DPP10: variants seen among roughly 807,000 people sequenced by gnomAD.
DPP10 encodes the protein dipeptidyl peptidase like 10, also known as inactive dipeptidyl peptidase 10.
DPP10 carries 33 observed loss-of-function variants against 120.9 expected under a neutral mutation model. The ratio of observed to expected loss-of-function variants is 0.27; its 90% CI spans 0.21 to 0.37. The LOEUF (loss-of-function observed/expected upper bound fraction) is 0.37. DPP10 is among the 10% of genes least tolerant of loss of function. The pLI, the probability that DPP10 is intolerant of heterozygous loss-of-function variation, is 1.00. For missense variants in DPP10, 816 were observed against 942.8 expected, an observed-to-expected ratio of 0.87 and a Z score of 1.76; for synonymous variants, 337 against 326.1, an observed-to-expected ratio of 1.03 and a Z score of -0.36.
chr2:114,996,723 C>G (rs1290145702), intron 1 of DPP10, among the ~76,000 whole-genome samples: 2 of 151,966 alleles, frequency 1.3e-5, no homozygotes, highest in Non-Finnish European at 2.9e-5. Context: ...GTGGCTCACG[C>G]CTGTAATCCC....
At chr2:115,672,774 T>A (rs551528376) in intron 5 of DPP10, among the ~76,000 whole-genome samples, 9 of 151,386 alleles carry the variant, frequency 5.9e-5, no homozygotes, top group Admixed American at 5.3e-4. Flanking sequence ...TGAGACAAAG[T>A]CTCACTTTGT....
intron 1 of DPP10, among the ~76,000 whole-genome samples, chr2:115,080,811 T>C (rs1708212196): frequency 6.6e-6 from 1 of 152,216 alleles, no homozygotes; most frequent in East Asian, 1.9e-4. Flanking sequence ...AGAATGACTT[T>C]AGTGAAAGTT....
chr2:115,273,410 C>T (rs2059781345), intron 1 of DPP10, among the ~76,000 whole-genome samples: 1 of 152,100 alleles, frequency 6.6e-6, no homozygotes, highest in Non-Finnish European at 1.5e-5. Flanking sequence ...GATCTTGGCT[C>T]ACTGCAAACT....
At chr2:114,614,648 T>G (rs566683414) in intron 1 of DPP10, among the ~76,000 whole-genome samples, 6 of 152,304 alleles carry the variant, frequency 3.9e-5, no homozygotes, top group African/African-American at 1.4e-4. Context: ...AAGTCAGATT[T>G]TATTATATCA....
At position 114,489,222 on chromosome 2, in the gene DPP10, A is replaced by G. The variant is rs559566354; in HGVS notation, c.60+46384A>G. On this transcript the variant is annotated intron_variant, in intron 1 of 25. Coordinates refer to ENST00000410059, the MANE Select transcript of DPP10 (RefSeq NM_020868.6). ...TCCCCTGCACTGTTATGTTTTAGAT[A>G]TTCATCCCCTTCTTCTCTCCAGGAA... Among the ~76,000 whole-genome samples, 4 of 152,286 alleles carry G rather than the reference A, an allele frequency of 2.6e-5. No homozygotes were observed. The East Asian group carries it at 7.7e-4, about 29-fold the overall frequency.
chr2:115,025,511 T>C (rs1313140591), intron 1 of DPP10, among the ~76,000 whole-genome samples: 1 of 152,114 alleles, frequency 6.6e-6, no homozygotes. Flanking sequence ...CTTTTAAATA[T>C]ATACCTACTA....
chr2:115,489,536 T>C (rs910296252), intron 3 of DPP10, among the ~76,000 whole-genome samples: 10 of 150,738 alleles, frequency 6.6e-5, no homozygotes, highest in African/African-American at 9.7e-5. Context: ...TTGTGGCTAA[T>C]TAAAAACAAA....
intron 1 of DPP10, chr2:114,833,914 T>G (rs1318098492): frequency 6.6e-6 from 1 of 152,096 alleles, no homozygotes; most frequent in African/African-American, 2.4e-5. Context: ...ATGGTGGTGC[T>G]TCTGCCCTTA....
intron 1 of DPP10, among the ~76,000 whole-genome samples, chr2:114,971,813 G>A (rs1699417416): frequency 6.6e-6 from 1 of 152,040 alleles, no homozygotes; most frequent in Non-Finnish European, 1.5e-5. Flanking sequence ...AAAAATAATT[G>A]TTTTTCCATA....
intron 4 of DPP10, among the ~76,000 whole-genome samples, chr2:115,500,023 T>C (rs938776410): frequency 7.9e-5 from 12 of 152,122 alleles, no homozygotes; most frequent in Non-Finnish European, 1.5e-4. Context: ...TAGAAAGGCT[T>C]TCTAAAGGTG....
At chr2:114,730,778 G>C (rs922735376) in intron 1 of DPP10, among the ~76,000 whole-genome samples, 7 of 151,994 alleles carry the variant, frequency 4.6e-5, no homozygotes, top group Non-Finnish European at 7.4e-5. Context: ...ATTTTTAATA[G>C]AGACAGGGTT....
chr2:115,620,886 A>G (rs1460850430), intron 5 of DPP10, among the ~76,000 whole-genome samples: 4 of 152,204 alleles, frequency 2.6e-5, no homozygotes, highest in Non-Finnish European at 5.9e-5. Flanking sequence ...ACAGGCATAA[A>G]TTGAAATACG....
chr2:115,501,391 A>G (rs917623281), intron 4 of DPP10, among the ~76,000 whole-genome samples: 3 of 152,038 alleles, frequency 2.0e-5, no homozygotes, highest in African/African-American at 7.2e-5. Context: ...CACCATCACC[A>G]TCTCATATCA....
intron 1 of DPP10, among the ~76,000 whole-genome samples, chr2:114,710,962 G>C (rs1228820808): frequency 6.6e-6 from 1 of 152,048 alleles, no homozygotes; most frequent in African/African-American, 2.4e-5. Context: ...TTTCAAACCA[G>C]GAAAGACAAG....
chr2:114,519,720 A>C (rs905771315), intron 1 of DPP10, among the ~76,000 whole-genome samples: 8 of 152,236 alleles, frequency 5.3e-5, no homozygotes, highest in African/African-American at 1.9e-4. Context: ...GATTCATAGC[A>C]TGGAGCATCA....
chr2:115,440,171 G>A (rs908419593), intron 3 of DPP10, among the ~76,000 whole-genome samples: 1 of 151,960 alleles, frequency 6.6e-6, no homozygotes, highest in Admixed American at 6.6e-5. Flanking sequence ...GTGTGTGTGT[G>A]AGTGCATATG....
intron 5 of DPP10, among the ~76,000 whole-genome samples, chr2:115,589,685 CATAATT>C (rs1483139648): frequency 6.6e-6 from 1 of 152,116 alleles, no homozygotes; most frequent in Non-Finnish European, 1.5e-5. Context: ...GTTTTAAAAA[CATAATT>C]ATAAAGGTAA....
intron 1 of DPP10, among the ~76,000 whole-genome samples, chr2:114,738,701 T>C (rs1313218596): frequency 6.6e-6 from 1 of 152,186 alleles, no homozygotes; most frequent in African/African-American, 2.4e-5. Context: ...ACATTTGAGG[T>C]GGACTAAGAT....
At chr2:115,551,421 A>G (rs916687907) in intron 5 of DPP10, among the ~76,000 whole-genome samples, 9 of 152,144 alleles carry the variant, frequency 5.9e-5, no homozygotes, top group African/African-American at 4.8e-5. Flanking sequence ...GGGTCAAGCT[A>G]TGGCTGTGGA....
Sources: allele counts gnomAD v4.1 joint callset (sites outside exome capture counted in the v4.1 genomes callset), GRCh38; gene constraint gnomAD v4.1.1; transcripts MANE v1.5; gene names NCBI Gene and HGNC (gene_info 2026-07-23, HGNC 2026-07-21).